COL3A1: variants seen among roughly 807,000 people sequenced by gnomAD.
The protein encoded by COL3A1 is collagen alpha-1(III) chain.
A neutral mutation model predicts 200.9 loss-of-function variants in COL3A1; 46 were observed. The ratio of observed to expected loss-of-function variants is 0.23; its 90% confidence interval spans 0.18 to 0.29. COL3A1 has a LOEUF of 0.29. COL3A1 is among the 10% of genes least tolerant of loss of function. The pLI is 1.00. For synonymous variants in COL3A1, 650 were observed against 628.0 expected (o/e 1.03, Z -0.52); for missense variants, 1,367 against 1,917.6 (o/e 0.71, Z 5.36).
Position 188,988,084 on chromosome 2 carries a change from C to T in COL3A1, c.532C>T (p.Pro178Ser). The T allele has an allele frequency of 6.2e-7, 1 of 1,611,188 alleles. No homozygotes were observed. Among genetic ancestry groups the T allele is most frequent in the South Asian group, 1.1e-5 (1 of 91,022 alleles). The change falls in exon 6 of 51, where the codon CCC becomes TCC. Residue 178 changes from proline (P) to serine (S), a missense_variant. This residue lies in a region of COL3A1 where 462 missense variants were observed against 681.4 expected (regional missense o/e 0.68). Coordinates refer to ENST00000304636, the MANE Select transcript of COL3A1 (RefSeq NM_000090.4). Reference protein sequence around the residue: ...GLAGYPGPAGPPGPPGPPGTS... With the variant: ...GLAGYPGPAGSPGPPGPPGTS... ...TTCATTCAAATTCACATTCCAGGGCCCCCCAGGCCCTCCCGGTCCCCCTGG... is the reference window on the plus strand; with the variant it reads ...TTCATTCAAATTCACATTCCAGGGCTCCCCAGGCCCTCCCGGTCCCCCTGG...
chr2:189,004,170 A>C, intron 39 of COL3A1, 27 bp downstream of exon 39: 1 of 1,613,426 alleles, frequency 6.2e-7, no homozygotes, highest in Non-Finnish European at 8.5e-7. Flanking sequence ...TTTTAAATTG[A>C]TTCTACTATT....
intron 15 of COL3A1, 105 bp from the exon 16 acceptor site, chr2:188,993,256 A>G (rs1242531711): frequency 2.1e-6 from 2 of 943,644 alleles, no homozygotes; most frequent in African/African-American, 1.6e-5. Flanking sequence ...ATAGAGTCCC[A>G]CTACTCCAAC....
At position 189,002,988 on chromosome 2, in the gene COL3A1, A is replaced by G. The variant is rs1309388302; in HGVS notation, c.2479A>G (p.Arg827Gly). Residue 827 changes from arginine to glycine, a missense_variant, in exon 36 of 51, where the codon AGA becomes GGA. This residue lies in a region of COL3A1 where 846 missense variants were observed against 1,147.9 expected (regional missense o/e 0.74). Transcript: ENST00000304636. ...QNGEPGGKGERGAPGEKGEGG... is the reference protein window; with the variant it reads ...QNGEPGGKGEGGAPGEKGEGG... Reference sequence around the variant, plus strand: ...TGGTGAACCTGGTGGTAAAGGAGAAAGAGGGGCTCCGGGTGAGAAAGGTGA... The same window carrying G: ...TGGTGAACCTGGTGGTAAAGGAGAAGGAGGGGCTCCGGGTGAGAAAGGTGA... 3.9e-6 allele frequency: 6 copies of G among 1,551,818 alleles called. No individual in the cohort carries two copies. In the South Asian group the frequency reaches 7.1e-5, roughly 18 times the overall value.
intron 16 of COL3A1, 51 bp downstream of exon 16, chr2:188,993,510 G>A: frequency 7.2e-7 from 1 of 1,388,322 alleles, no homozygotes; most frequent in Non-Finnish European, 9.9e-7. Context: ...CTTACTCCAT[G>A]AAAGCATAGT....
rs890700564 is a variant in COL3A1, at chr2:188,995,763, T to C, written c.1581T>C (p.Asp527=). 5.1e-6 allele frequency: 8 copies of C among 1,564,196 alleles called. No homozygotes were observed. The African/African-American group carries it at 8.2e-5, about 16-fold the overall frequency. The change falls in exon 22 of 51, where the codon GAT becomes GAC. Residue 527 remains aspartate (D), a synonymous_variant. Coordinates refer to ENST00000304636, the MANE Select transcript of COL3A1 (RefSeq NM_000090.4). The part of the protein sequence containing the change: ...PRGAAGEPGR[D]GVPGGPGMRG... The stretch of plus-strand genomic sequence containing the variant: ...GAGCTGCTGGAGAACCTGGCAGAGA[T>C]GGCGTCCCTGGAGGTCCAGGAATGA...
At chr2:189,001,804 T>G (rs1201223568) in intron 34 of COL3A1, among the ~76,000 whole-genome samples, 1 of 152,174 alleles carries the variant, frequency 6.6e-6, no homozygotes, top group Non-Finnish European at 1.5e-5. Context: ...CAGGATTTCT[T>G]TCCTAAATAA....
chr2:188,979,837 C>T (rs546120247), intron 1 of COL3A1, among the ~76,000 whole-genome samples: 191 of 151,700 alleles, frequency 1.3e-3, no homozygotes, highest in Non-Finnish European at 2.3e-3. Context: ...TTAGAGAAAG[C>T]CTTCTTACAC....
At chr2:188,978,111 G>A in intron 1 of COL3A1, 1 of 378,054 alleles carries the variant, frequency 2.6e-6, no homozygotes, top group Non-Finnish European at 5.3e-6. Flanking sequence ...TAGGCCTTTA[G>A]ATCATCTGAT....
chr2:189,007,387 G>C, intron 44 of COL3A1, 113 bp from the exon 45 acceptor site: 1 of 833,758 alleles, frequency 1.2e-6, no homozygotes, highest in Non-Finnish European at 1.9e-6. Flanking sequence ...TGTTGATGGG[G>C]GATTTTTTAG....
At position 188,982,534 on chromosome 2, in the gene COL3A1, A is replaced by G. The variant is rs565846699; in HGVS notation, c.80-2226A>G. Among the ~76,000 whole-genome samples the G allele has an allele frequency of 7.2e-5, 11 of 151,952 alleles. No individual in the cohort carries two copies. The South Asian group carries it at 2.3e-3, about 31-fold the overall frequency. On this transcript the variant is annotated intron_variant, in intron 1 of 50. Coordinates refer to ENST00000304636, the MANE Select transcript of COL3A1 (RefSeq NM_000090.4). Reference sequence around the variant, plus strand: ...GAAATGTTTGAGCCTAGCTTTAACTATTATCTTCATTTGTCTTTAATATGC... The same window carrying G: ...GAAATGTTTGAGCCTAGCTTTAACTGTTATCTTCATTTGTCTTTAATATGC...
intron 24 of COL3A1, among the ~76,000 whole-genome samples, chr2:188,996,818 G>A (rs945460368): frequency 6.6e-6 from 1 of 151,994 alleles, no homozygotes. Context: ...GTGAAACCCT[G>A]TCTCCACTAA....
intron 21 of COL3A1, 28 bp downstream of exon 21, chr2:188,995,127 A>G (rs1688276871): frequency 6.2e-7 from 1 of 1,604,166 alleles, no homozygotes; most frequent in East Asian, 2.2e-5. Flanking sequence ...CTATGTTCCT[A>G]AATGCTAGCA....
At chr2:188,977,894 T>C (rs1687856707) in intron 1 of COL3A1, among the ~76,000 whole-genome samples, 1 of 152,058 alleles carries the variant, frequency 6.6e-6, no homozygotes, top group South Asian at 2.1e-4. Flanking sequence ...GTTAATTTTT[T>C]TAAACCCCAG....
In COL3A1 at chr2:189,010,376, A is replaced by G. The variant is rs202111553; in HGVS notation, c.4011+11A>G. 2 of 1,613,890 alleles carry G rather than the reference A, an allele frequency of 1.2e-6. No individual in the cohort carries two copies. The highest frequency in any genetic ancestry group is 1.7e-6 in the Non-Finnish European group (2 of 1,179,822). On this transcript the variant is annotated intron_variant, in intron 49 of 50. Coordinates refer to ENST00000304636, the MANE Select transcript of COL3A1 (RefSeq NM_000090.4). ...GATGGTGGTTTTCAGGTAGGAAAGG[A>G]TATACCTTTTTTTAAATAAGTCACC... is the stretch of plus-strand genomic sequence containing the variant.
chr2:188,995,911 A>G (rs1688297341), intron 22 of COL3A1, 121 bp downstream of exon 22: 1 of 1,023,526 alleles, frequency 9.8e-7, no homozygotes, highest in East Asian at 2.6e-5. Flanking sequence ...GGCACCAAAC[A>G]AAACAAAATT....
rs199531857 is a variant in COL3A1 at position 188,990,072 on chromosome 2, C to G, written c.691-24C>G. 1.4e-5 allele frequency: 22 copies of G among 1,608,844 alleles called. No individual in the cohort carries two copies. The Admixed American group carries it at 1.7e-4, about 12-fold the overall frequency. On this transcript the variant is annotated intron_variant, in intron 8 of 50. Coordinates refer to ENST00000304636, the MANE Select transcript of COL3A1 (RefSeq NM_000090.4). The stretch of plus-strand genomic sequence containing the variant: ...GTATTTTCTCATACATGAGCACCTA[C>G]GTATTCTTTATTTCTCTACCTAGGG...
chr2:189,004,417 G>A, intron 40 of COL3A1, 53 bp downstream of exon 40: 1 of 1,487,996 alleles, frequency 6.7e-7, no homozygotes. Context: ...AGCCTTCAGA[G>A]ATCACTTAAC....
At chr2:189,010,966 G>T in intron 50 of COL3A1, 76 bp downstream of exon 50, 1 of 1,557,676 alleles carries the variant, frequency 6.4e-7, no homozygotes, top group Non-Finnish European at 8.8e-7. Flanking sequence ...ATTTTGAATA[G>T]AATAAATAAA....
intron 21 of COL3A1, 111 bp from the exon 22 acceptor site, chr2:188,995,581 G>T: frequency 1.4e-6 from 1 of 729,418 alleles, no homozygotes; most frequent in South Asian, 1.7e-5. Flanking sequence ...AGCAACACAC[G>T]AACCCTTTTT....
Sources: gnomAD v4.1 joint callset for allele counts (sites outside exome capture counted in the v4.1 genomes callset) on GRCh38, gnomAD v4.1.1 for gene constraint, gnomAD v4.1.1 regional missense constraint, MANE v1.5 for transcripts, NCBI Gene and HGNC (gene_info 2026-07-23, HGNC 2026-07-21) for gene names.